Variants in CCDC157 observed in about 807,000 individuals in gnomAD.
The protein encoded by CCDC157 is coiled-coil domain containing 157, also known as coiled-coil domain-containing protein 157.
Under a neutral mutation model 70.9 loss-of-function variants are expected in CCDC157, and 60 were observed. The observed-to-expected ratio is 0.85, with a 90% CI of 0.69 to 1.05. CCDC157 has a LOEUF of 1.05. Ranked by LOEUF, CCDC157 falls within the 50% of genes least tolerant of loss-of-function variation. The probability of loss-of-function intolerance (pLI) is 0.00; values close to 1 mark genes in which losing one functional copy is unlikely to be tolerated. For missense variants in CCDC157, 943 were observed against 984.2 expected (o/e 0.96, Z 0.56); for synonymous variants, 373 against 422.4 (o/e 0.88, Z 1.43).
At chr22:30,366,657 T>G (rs768814660) in intron 3 of CCDC157, 3 of 242,344 alleles carry the variant, frequency 1.2e-5, no homozygotes, top group Non-Finnish European at 2.7e-5. Context: ...CTGTTCCCTC[T>G]GCATATCACA....
chr22:30,367,912 G>A (rs1489765939), intron 3 of CCDC157, among the ~76,000 whole-genome samples: 1 of 152,130 alleles, frequency 6.6e-6, no homozygotes, highest in Admixed American at 6.5e-5. Context: ...TTAGCCAGGC[G>A]TGGTGGTGCC....
At position 30,372,085 on chromosome 22, in the gene CCDC157, C is replaced by T. The variant is rs758238452; in HGVS notation, c.1134C>T (p.Ala378=). The T allele has an allele frequency of 3.2e-6, 5 of 1,543,134 alleles. No homozygotes were observed. The highest frequency in any genetic ancestry group is 3.5e-6 in the Non-Finnish European group (4 of 1,140,712). Residue 378 remains alanine, a synonymous_variant, in exon 7 of 12, where the codon GCC becomes GCT. Coordinates refer to ENST00000338306, the MANE Select transcript of CCDC157 (RefSeq NM_001017437.5). Reference sequence around the variant, plus strand: ...CACTTAATGCTGCAGAGGCAAAGGCCCAGCAGCTGCAGGAGGAAGGTGAGC... The same window carrying T: ...CACTTAATGCTGCAGAGGCAAAGGCTCAGCAGCTGCAGGAGGAAGGTGAGC... ...RESTQAVEAK[A]QQLQEEGERR... is the part of the protein sequence containing the mutation.
intron 1 of CCDC157, among the ~76,000 whole-genome samples, chr22:30,359,441 A>T (rs1269173203): frequency 6.6e-6 from 1 of 152,152 alleles, no homozygotes; most frequent in Admixed American, 6.5e-5. Context: ...CTCAGATATC[A>T]CTGGTAGTTC....
upstream of CCDC157, chr22:30,356,855 G>A (rs1418740349): frequency 8.0e-7 from 1 of 1,250,814 alleles, no homozygotes. Context: ...CCTCAAGACA[G>A]CCTCCCCGCT....
At chr22:30,366,434 G>A (rs1932743487) in intron 3 of CCDC157, 186 bp downstream of exon 3, 2 of 692,432 alleles carry the variant, frequency 2.9e-6, no homozygotes, top group Non-Finnish European at 5.0e-6. Flanking sequence ...TGTGTCTTGT[G>A]TTGTGTGCTG....
At chr22:30,364,949 C>T (rs894464955) in intron 2 of CCDC157, among the ~76,000 whole-genome samples, 6 of 152,108 alleles carry the variant, frequency 3.9e-5, no homozygotes, top group East Asian at 1.9e-4. Context: ...ATTTTCTTTG[C>T]GATTCTTTTT....
In CCDC157 at chr22:30,371,710, A is replaced by G; in HGVS notation, c.1106A>G (p.Glu369Gly). 6.2e-7 allele frequency: 1 copy of G among 1,614,034 alleles called. No homozygotes were observed. Among genetic ancestry groups the G allele is most frequent in the Non-Finnish European group, 8.5e-7 (1 of 1,179,886 alleles). The change falls in exon 6 of 12, where the codon GAG becomes GGG. Residue 369 changes from glutamate to glycine, a missense_variant. Physicochemically the swap from Glu to Gly is moderately conservative, Grantham distance 98. Coordinates refer to ENST00000338306, the MANE Select transcript of CCDC157 (RefSeq NM_001017437.5). The stretch of plus-strand genomic sequence containing the variant: ...GAGAGAGAACTGAAACAGCAGCGGG[A>G]GTCCACACAGGCTGTGGGTAAGGAG... ...TLERELKQQR[E>G]STQAVEAKAQ...
intron 1 of CCDC157, among the ~76,000 whole-genome samples, chr22:30,361,760 A>G (rs570699705): frequency 1.1e-3 from 166 of 152,300 alleles, no homozygotes; most frequent in Non-Finnish European, 2.1e-3. Context: ...GAAGTGGCAC[A>G]CAGTAGGTTC....
At chr22:30,360,128 A>C (rs1932228696) in intron 1 of CCDC157, among the ~76,000 whole-genome samples, 1 of 152,250 alleles carries the variant, frequency 6.6e-6, no homozygotes, top group Non-Finnish European at 1.5e-5. Context: ...TGAGCAACAG[A>C]GTGAGACCCT....
chr22:30,361,353 T>C (rs117139296), intron 1 of CCDC157, among the ~76,000 whole-genome samples: 98 of 152,180 alleles, frequency 6.4e-4, no homozygotes, highest in Admixed American at 1.6e-3. Flanking sequence ...GGTGTCCCTA[T>C]GTGACATTGC....
At chr22:30,358,869 C>T (rs550775630) in intron 1 of CCDC157, among the ~76,000 whole-genome samples, 2 of 152,366 alleles carry the variant, frequency 1.3e-5, no homozygotes, top group South Asian at 4.1e-4. Context: ...AAAGAGCTCA[C>T]GTCAAGTGCT....
intron 4 of CCDC157, 27 bp from the exon 5 acceptor site, chr22:30,370,299 C>T (rs1217141976): frequency 6.2e-7 from 1 of 1,608,488 alleles, no homozygotes; most frequent in East Asian, 2.2e-5. Context: ...CCCTCACCTG[C>T]TTTCCCTTGT....
intron 3 of CCDC157, 48 bp from the exon 4 acceptor site, chr22:30,369,384 A>G (rs1932834772): frequency 7.0e-7 from 1 of 1,433,482 alleles, no homozygotes. Context: ...GTCTGAGGGT[A>G]TGTTAGCACC....
chr22:30,371,646 A>G lies in CCDC157; in HGVS notation c.1046-4A>G, dbSNP rs774119880. On this transcript the variant is annotated splice_region_variant and splice_polypyrimidine_tract_variant and intron_variant, in intron 5 of 11. Coordinates refer to ENST00000338306, the MANE Select transcript of CCDC157 (RefSeq NM_001017437.5). ...CTGAAGGGCCTCTCTCTTGGCTGCC[A>G]TAGAAACAAGTGACCTAAAGACAAA... The G allele has an allele frequency of 4.0e-5, 64 of 1,613,520 alleles. 1 individual carries two copies. Among genetic ancestry groups the G allele is most frequent in the Middle Eastern group, 3.3e-4 (2 of 6,078 alleles).
Position 30,376,515 on chromosome 22 carries a change from C to T in CCDC157, c.2029C>T (p.Pro677Ser), listed in dbSNP as rs146606161. 405 of 1,612,978 alleles carry T rather than the reference C, an allele frequency of 2.5e-4. No homozygotes were observed. The African/African-American group carries it at 3.8e-3, about 15-fold the overall frequency. Residue 677 changes from proline (P) to serine (S), a missense_variant, in exon 12 of 12, where the codon CCC becomes TCC. Transcript: ENST00000338306. ...GCCCTGCACATCCCCACCTCGGCAG[C>T]CCTGCACATCCCCACCTCGGCAGCC... The part of the protein sequence containing the change: ...GQPCTSPPRQ[P>S]CTSPPRQPCT...
chr22:30,375,110 C>T (rs1933255140), intron 9 of CCDC157: 1 of 293,872 alleles, frequency 3.4e-6, no homozygotes, highest in African/African-American at 2.2e-5. Context: ...GGGGGCCCGC[C>T]ACCACACCCA....
intron 3 of CCDC157, chr22:30,368,861 T>C (rs1030347835): frequency 6.6e-6 from 1 of 152,274 alleles, no homozygotes; most frequent in Non-Finnish European, 1.5e-5. Context: ...TTACAATTCA[T>C]GCCTGACTGT....
intron 3 of CCDC157, chr22:30,369,203 A>G: frequency 2.7e-6 from 1 of 373,366 alleles, no homozygotes; most frequent in Non-Finnish European, 4.8e-6. Flanking sequence ...CAGAAGTGCC[A>G]CCCAGGAGAC....
At position 30,368,448 on chromosome 22, in the gene CCDC157, G is replaced by A. The variant is rs563038411; in HGVS notation, c.249-984G>A. On this transcript the variant is annotated intron_variant, in intron 3 of 11. Transcript: ENST00000338306. ...CATTGAGCTGCTCAGTTCGTGGCAA[G>A]GGTGGGATCACGGCTGAGGCTGCAG... 7.2e-5 allele frequency among the ~76,000 whole-genome samples: 11 copies of A among 152,366 alleles called. No homozygotes were observed. The South Asian group carries it at 2.3e-3, about 32-fold the overall frequency.
Sources: allele counts gnomAD v4.1 joint callset (sites outside exome capture counted in the v4.1 genomes callset), GRCh38; gene constraint gnomAD v4.1.1; transcripts MANE v1.5; gene names NCBI Gene and HGNC (gene_info 2026-07-23, HGNC 2026-07-21).